The following RABGAP1L variants were observed in gnomAD, a reference collection of about 807,000 sequenced individuals.
The protein encoded by RABGAP1L is RAB GTPase activating protein 1 like.
Under a neutral mutation model 137.7 loss-of-function variants are expected in RABGAP1L, and 63 were observed. That is an observed-to-expected ratio of 0.46 (90% CI 0.37 to 0.56). RABGAP1L has a LOEUF of 0.56. Among genes scored for constraint, RABGAP1L ranks in the 20% least tolerant of loss-of-function variants. The pLI is 0.00. For missense variants in RABGAP1L, 1,095 were observed against 1,244.0 expected, an observed-to-expected ratio of 0.88 and a Z score of 1.80; for synonymous variants, 431 against 433.7, an observed-to-expected ratio of 0.99 and a Z score of 0.08.
intron 13 of RABGAP1L, among the ~76,000 whole-genome samples, chr1:174,527,202 T>TTTA (rs1663952184): frequency 7.4e-6 from 1 of 134,918 alleles, no homozygotes; most frequent in East Asian, 2.1e-4. Context: ...GATTTTTATT[T>TTTA]TGTTTTTTTT....
chr1:174,715,309 G>T (rs1012332679), intron 17 of RABGAP1L, among the ~76,000 whole-genome samples: 8 of 152,088 alleles, frequency 5.3e-5, no homozygotes, highest in Admixed American at 1.3e-4. Flanking sequence ...TATCTATATT[G>T]TACAAAAGAG....
At chr1:174,289,670 T>C (rs1487320591) in intron 10 of RABGAP1L, among the ~76,000 whole-genome samples, 1 of 152,216 alleles carries the variant, frequency 6.6e-6, no homozygotes, top group Non-Finnish European at 1.5e-5. Flanking sequence ...CCTGGGCTTC[T>C]GGTTGGGCCA....
Position 174,448,961 on chromosome 1 carries a change from T to C in RABGAP1L, c.1710+54816T>C, listed in dbSNP as rs1445847134. The C allele has an allele frequency of 6.2e-7, 1 of 1,613,972 alleles. No homozygotes were observed. Reference sequence around the variant, plus strand: ...TATGCTGTGGCTCCCCTATATAATTTACTTTCTTCTAGAAAGCTCCCGGGT... The same window carrying C: ...TATGCTGTGGCTCCCCTATATAATTCACTTTCTTCTAGAAAGCTCCCGGGT... On this transcript the variant is annotated intron_variant, in intron 13 of 25. Coordinates refer to ENST00000681986, the MANE Select transcript of RABGAP1L (RefSeq NM_001366446.1). The surrounding 1 kb of genome is among the most constrained non-coding windows in gnomAD (Gnocchi z 4.2).
At chr1:174,296,582 A>G (rs1179626754) in intron 10 of RABGAP1L, among the ~76,000 whole-genome samples, 1 of 152,228 alleles carries the variant, frequency 6.6e-6, no homozygotes, top group Non-Finnish European at 1.5e-5. Context: ...ATTATGCATC[A>G]CTTGGTATTT....
intron 15 of RABGAP1L, among the ~76,000 whole-genome samples, chr1:174,691,115 A>G (rs896938789): frequency 6.6e-6 from 1 of 152,170 alleles, no homozygotes; most frequent in African/African-American, 2.4e-5. Context: ...GGCATGAGCC[A>G]CCATGCCGGG....
chr1:174,780,717 CCCA>C (rs1345481451), intron 18 of RABGAP1L, among the ~76,000 whole-genome samples: 6 of 114,884 alleles, frequency 5.2e-5, no homozygotes, highest in Admixed American at 2.0e-4. Flanking sequence ...ATCCCTCCCC[CCCA>C]CCCCCCCACC....
intron 19 of RABGAP1L, among the ~76,000 whole-genome samples, chr1:174,820,054 G>A (rs1400066213): frequency 6.6e-6 from 1 of 152,116 alleles, no homozygotes; most frequent in Admixed American, 6.5e-5. Flanking sequence ...TGAGAAACAT[G>A]GAAGAGCTTT....
intron 13 of RABGAP1L, among the ~76,000 whole-genome samples, chr1:174,633,124 C>A (rs1173169113): frequency 6.6e-6 from 1 of 151,618 alleles, no homozygotes; most frequent in Non-Finnish European, 1.5e-5. Context: ...GATTGTTTAT[C>A]TAGAAAACCC....
At chr1:174,888,007 A>T (rs1353209636) in intron 19 of RABGAP1L, among the ~76,000 whole-genome samples, 2 of 152,160 alleles carry the variant, frequency 1.3e-5, no homozygotes, top group African/African-American at 4.8e-5. Flanking sequence ...ACTGCACTCC[A>T]GCCTGGGGGA....
intron 11 of RABGAP1L, chr1:174,365,263 T>C (rs1189512812): frequency 6.6e-6 from 1 of 152,212 alleles, no homozygotes; most frequent in East Asian, 1.9e-4. Flanking sequence ...GAACACCCGT[T>C]GGAACTTTCT....
At chr1:174,563,707 G>A (rs1667374976) in intron 13 of RABGAP1L, among the ~76,000 whole-genome samples, 1 of 152,008 alleles carries the variant, frequency 6.6e-6, no homozygotes, top group African/African-American at 2.4e-5. Flanking sequence ...GAGTAAAATG[G>A]GGGAAAATGA....
rs140434835 is a variant in RABGAP1L at position 174,465,974 on chromosome 1, C to T, written c.1710+71829C>T. On this transcript the variant is annotated intron_variant, in intron 13 of 25. Coordinates refer to ENST00000681986, the MANE Select transcript of RABGAP1L (RefSeq NM_001366446.1). ...AAAAATTTAGACCTTTTGCAGTTATCGTTAGCCGCAGTATTCTCTTGCTCA... is the reference window on the plus strand; with the variant it reads ...AAAAATTTAGACCTTTTGCAGTTATTGTTAGCCGCAGTATTCTCTTGCTCA... Among the ~76,000 whole-genome samples, 319 of 152,318 alleles carry T rather than the reference C, an allele frequency of 2.1e-3. 15 individuals are homozygous for T. In the South Asian group the frequency reaches 0.056, roughly 27 times the overall value.
At chr1:174,898,471 G>A (rs903255756) in intron 19 of RABGAP1L, among the ~76,000 whole-genome samples, 6 of 152,172 alleles carry the variant, frequency 3.9e-5, no homozygotes, top group African/African-American at 1.4e-4. Flanking sequence ...TTTCTAAACT[G>A]TAACAGTTTC....
rs1309849675 is a variant in RABGAP1L, at chr1:174,219,141, A to G, written c.-17A>G. On this transcript the variant is annotated 5_prime_UTR_variant, in exon 2 of 26. Transcript: ENST00000681986. The stretch of plus-strand genomic sequence containing the variant: ...TTTTTCCAGGTGGTTGTGGGAAGAG[A>G]AGTTTGCAGAACTGAAATGGAGGTC... The G allele has an allele frequency of 6.3e-7, 1 of 1,577,976 alleles. No homozygotes were observed. The highest frequency in any genetic ancestry group is 1.2e-5 in the South Asian group (1 of 82,572).
At chr1:174,597,897 C>A (rs1036790729) in intron 13 of RABGAP1L, among the ~76,000 whole-genome samples, 1 of 152,068 alleles carries the variant, frequency 6.6e-6, no homozygotes, top group Non-Finnish European at 1.5e-5. Context: ...TTCTTAATTT[C>A]TTCATTGACT....
intron 19 of RABGAP1L, among the ~76,000 whole-genome samples, chr1:174,857,083 G>T (rs922063258): frequency 6.6e-6 from 1 of 152,172 alleles, no homozygotes; most frequent in African/African-American, 2.4e-5. Context: ...GGTATAAAAT[G>T]TCAACCTAGA....
intron 13 of RABGAP1L, among the ~76,000 whole-genome samples, chr1:174,433,551 G>A (rs1652890658): frequency 6.6e-6 from 1 of 152,144 alleles, no homozygotes; most frequent in Non-Finnish European, 1.5e-5. Flanking sequence ...GCTAGCTAGG[G>A]CAGTCTCAAA....
At chr1:174,620,539 G>A (rs577834552) in intron 13 of RABGAP1L, among the ~76,000 whole-genome samples, 1 of 152,178 alleles carries the variant, frequency 6.6e-6, no homozygotes, top group African/African-American at 2.4e-5. Flanking sequence ...TGACTGCCAG[G>A]TACATAACGA....
intron 13 of RABGAP1L, among the ~76,000 whole-genome samples, chr1:174,622,475 C>G (rs1034142880): frequency 1.3e-5 from 2 of 152,152 alleles, no homozygotes; most frequent in Non-Finnish European, 1.5e-5. Context: ...CAATGATAGA[C>G]TGGATTAAGA....
Sources: allele counts gnomAD v4.1 joint callset (sites outside exome capture counted in the v4.1 genomes callset), GRCh38; gene constraint gnomAD v4.1.1; non-coding constraint Gnocchi (gnomAD v3.1); transcripts MANE v1.5; gene names NCBI Gene and HGNC (gene_info 2026-07-23, HGNC 2026-07-21).